Variants in VPS26C observed in about 807,000 individuals in gnomAD.
VPS26C encodes the protein vacuolar protein sorting-associated protein 26C.
A neutral mutation model predicts 30.6 loss-of-function variants in VPS26C; 19 were observed. The ratio of observed to expected loss-of-function variants is 0.62; its 90% CI spans 0.43 to 0.91. The LOEUF (loss-of-function observed/expected upper bound fraction) is 0.91, where lower values mean the gene tolerates loss of function less well. VPS26C is among the 40% of genes least tolerant of loss of function. The pLI is 0.00. For synonymous variants in VPS26C, 132 were observed against 151.5 expected (o/e 0.87, Z 0.95); for missense variants, 318 against 385.1 (o/e 0.83, Z 1.46).
chr21:37,240,271 C>T (rs776635348), intron 2 of VPS26C, among the ~76,000 whole-genome samples: 16 of 151,966 alleles, frequency 1.1e-4, no homozygotes, highest in Non-Finnish European at 1.5e-4. Context: ...TACAGGCACG[C>T]ACCACCACAC....
At chr21:37,263,368 A>C (rs2148312734) in intron 1 of VPS26C, among the ~76,000 whole-genome samples, 1 of 152,350 alleles carries the variant, frequency 6.6e-6, no homozygotes, top group East Asian at 1.9e-4. Flanking sequence ...TTTCTATATT[A>C]CAAATTCCTC....
chr21:37,262,481 T>C (rs928054240), intron 1 of VPS26C, among the ~76,000 whole-genome samples: 20 of 152,250 alleles, frequency 1.3e-4, no homozygotes, highest in Non-Finnish European at 2.6e-4. Flanking sequence ...TTATTTTATA[T>C]ATTTGCCTAT....
At chr21:37,260,551 AC>A (rs1300461000) in intron 1 of VPS26C, among the ~76,000 whole-genome samples, 1 of 152,148 alleles carries the variant, frequency 6.6e-6, no homozygotes, top group Non-Finnish European at 1.5e-5. Flanking sequence ...GAAGTTTTCT[AC>A]CCAAGTGGAA....
intron 1 of VPS26C, among the ~76,000 whole-genome samples, chr21:37,253,985 T>G (rs2086218019): frequency 6.6e-6 from 1 of 152,202 alleles, no homozygotes; most frequent in Non-Finnish European, 1.5e-5. Context: ...TTTACAAAGT[T>G]GACATTCGTT....
intron 2 of VPS26C, 49 bp downstream of exon 2, chr21:37,240,447 A>G (rs376657980): frequency 9.7e-5 from 156 of 1,606,302 alleles, no homozygotes; most frequent in Admixed American, 1.2e-4. Context: ...GCCCAGCCCA[A>G]CATTTCAATA....
chr21:37,225,081 T>C lies in VPS26C; in HGVS notation c.*463A>G, dbSNP rs2085885272. 1 of 172,790 alleles carries C rather than the reference T, an allele frequency of 5.8e-6. No individual in the cohort carries two copies. Among genetic ancestry groups the C allele is most frequent in the Non-Finnish European group, 1.3e-5 (1 of 78,884 alleles). The allele number at this position is 172,790 out of a possible 1,614,324, so 10.7% of individuals were successfully genotyped here. ...CCTTGGCGAGTATCTGCAAACTTCC[T>C]GACCATCAAGTGCGCTTGCAGCCAT... On this transcript the variant is annotated 3_prime_UTR_variant, in exon 8 of 8. Coordinates refer to ENST00000309117, the MANE Select transcript of VPS26C (RefSeq NM_006052.2).
chr21:37,256,658 C>T (rs763493006), intron 1 of VPS26C, among the ~76,000 whole-genome samples: 1 of 152,212 alleles, frequency 6.6e-6, no homozygotes, highest in Non-Finnish European at 1.5e-5. Context: ...ACGGCACAAG[C>T]TCTCTATTAC....
At chr21:37,262,949 G>C (rs1307722546) in intron 1 of VPS26C, among the ~76,000 whole-genome samples, 1 of 151,928 alleles carries the variant, frequency 6.6e-6, no homozygotes, top group East Asian at 1.9e-4. Context: ...ATTTTTAGTA[G>C]AGATGAGGTT....
At chr21:37,234,471 T>C (rs2148287365) in intron 3 of VPS26C, among the ~76,000 whole-genome samples, 1 of 152,298 alleles carries the variant, frequency 6.6e-6, no homozygotes, top group South Asian at 2.1e-4. Flanking sequence ...AAAGCAGGCT[T>C]TGAACGGAGA....
At chr21:37,252,413 A>G (rs972225280) in intron 1 of VPS26C, among the ~76,000 whole-genome samples, 2 of 152,208 alleles carry the variant, frequency 1.3e-5, no homozygotes, top group African/African-American at 4.8e-5. Context: ...CATGGTAAGT[A>G]ATGGCCAGTA....
chr21:37,256,649 C>G (rs931914945), intron 1 of VPS26C, among the ~76,000 whole-genome samples: 2 of 152,130 alleles, frequency 1.3e-5, no homozygotes, highest in Admixed American at 1.3e-4. Flanking sequence ...CAACAAGTGA[C>G]GGCACAAGCT....
rs146084592 is a variant in VPS26C at position 37,235,851 on chromosome 21, GTATATATATA to G, written c.352-2419_352-2410del. 2.6e-3 allele frequency among the ~76,000 whole-genome samples: 142 copies of G among 55,108 alleles called. 3 individuals carry two copies. Among genetic ancestry groups the G allele is most frequent in the African/African-American group, 0.011 (130 of 11,308 alleles). 36.2% of individuals were successfully genotyped at this position (55,108 alleles called of 152,430 possible). ...CATATATATGTGTGTATATGTGTGTGTATATATATATATATATATATATATATATTTTTTT... is the reference window on the plus strand; with the variant it reads ...CATATATATGTGTGTATATGTGTGTGTATATATATATATATATATTTTTTT... On this transcript the variant is annotated intron_variant, in intron 3 of 7. Coordinates refer to ENST00000309117, the MANE Select transcript of VPS26C (RefSeq NM_006052.2).
chr21:37,230,592 T>G (rs1038310112), intron 5 of VPS26C: 1 of 152,272 alleles, frequency 6.6e-6, no homozygotes, highest in Non-Finnish European at 1.5e-5. Context: ...ACCTGAATGG[T>G]TCTGTGGAAA....
chr21:37,258,931 C>T (rs902428377), intron 1 of VPS26C, among the ~76,000 whole-genome samples: 2 of 152,184 alleles, frequency 1.3e-5, no homozygotes, highest in Non-Finnish European at 2.9e-5. Flanking sequence ...TCGGATAATT[C>T]TGAAAATGCT....
chr21:37,246,471 G>A (rs2086138817), intron 1 of VPS26C, among the ~76,000 whole-genome samples: 1 of 151,434 alleles, frequency 6.6e-6, no homozygotes, highest in South Asian at 2.1e-4. Flanking sequence ...CTATATAAAA[G>A]TCCTTCTTGA....
At chr21:37,263,643 C>A (rs146896187) in intron 1 of VPS26C, among the ~76,000 whole-genome samples, 1 of 152,200 alleles carries the variant, frequency 6.6e-6, no homozygotes, top group South Asian at 2.1e-4. Flanking sequence ...TATGTGCTTA[C>A]GCTGACAAAC....
intron 3 of VPS26C, among the ~76,000 whole-genome samples, chr21:37,235,199 T>A (rs2086007611): frequency 6.6e-6 from 1 of 152,164 alleles, no homozygotes; most frequent in South Asian, 2.1e-4. Context: ...AGAGATGGGG[T>A]TTCACCATGT....
chr21:37,263,363 A>G (rs1701613813), intron 1 of VPS26C, among the ~76,000 whole-genome samples: 2 of 152,240 alleles, frequency 1.3e-5, no homozygotes, highest in African/African-American at 4.8e-5. Flanking sequence ...CAACATTTCT[A>G]TATTACAAAT....
intron 1 of VPS26C, among the ~76,000 whole-genome samples, chr21:37,256,546 A>T (rs1488321469): frequency 1.3e-5 from 2 of 152,252 alleles, no homozygotes; most frequent in Non-Finnish European, 2.9e-5. Context: ...TTATAAGGAA[A>T]CAACCATTTG....
Sources: allele counts gnomAD v4.1 joint callset (sites outside exome capture counted in the v4.1 genomes callset), GRCh38; gene constraint gnomAD v4.1.1; transcripts MANE v1.5; gene names NCBI Gene and HGNC (gene_info 2026-07-23, HGNC 2026-07-21).